The following MTUS2 variants were observed in gnomAD, a reference collection of about 807,000 sequenced individuals.
MTUS2 encodes the protein microtubule associated scaffold protein 2, also known as microtubule-associated tumor suppressor candidate 2.
Under a neutral mutation model 114.1 loss-of-function variants are expected in MTUS2, and 40 were observed. The ratio of observed to expected loss-of-function variants is 0.35; its 90% CI spans 0.27 to 0.46. The LOEUF is 0.46. Among genes scored for constraint, MTUS2 ranks in the 20% least tolerant of loss-of-function variants. The pLI, the probability that MTUS2 is intolerant of heterozygous loss-of-function variation, is 1.00. For missense variants in MTUS2, 1,679 were observed against 1,705.4 expected (o/e 0.98, Z 0.27); for synonymous variants, 688 against 672.0 (o/e 1.02, Z -0.37).
intron 5 of MTUS2, among the ~76,000 whole-genome samples, chr13:29,223,764 G>A (rs1291119130): frequency 1.3e-5 from 2 of 152,210 alleles, no homozygotes; most frequent in Non-Finnish European, 2.9e-5. Flanking sequence ...AAAGGAGAGA[G>A]GATCTGTGGC....
intron 2 of MTUS2, among the ~76,000 whole-genome samples, chr13:28,997,315 C>CT (rs201445847): frequency 0.018 from 2,692 of 152,180 alleles, 81 homozygotes; most frequent in African/African-American, 0.061. Context: ...TTACTTCCAA[C>CT]TATGTGGACA....
chr13:29,502,470 A>G (rs888398153), intron 15 of MTUS2, among the ~76,000 whole-genome samples: 2 of 152,232 alleles, frequency 1.3e-5, no homozygotes, highest in African/African-American at 4.8e-5. Flanking sequence ...TAGCAGGCAG[A>G]CACAGACCCC....
intron 5 of MTUS2, among the ~76,000 whole-genome samples, chr13:29,204,352 A>C (rs970111353): frequency 6.6e-6 from 1 of 152,214 alleles, no homozygotes; most frequent in Non-Finnish European, 1.5e-5. Flanking sequence ...CATGGTCACC[A>C]GGCTGCGGAT....
intron 5 of MTUS2, among the ~76,000 whole-genome samples, chr13:29,161,772 A>G (rs1458162642): frequency 1.3e-5 from 2 of 152,188 alleles, no homozygotes; most frequent in Non-Finnish European, 2.9e-5. Flanking sequence ...TCCCTGACCT[A>G]GCAGCATCCT....
rs1165010352 is a variant in MTUS2, at chr13:29,281,703, G to C, written c.2645-1G>C. ...ATTAACACGCTGTCTGCCTCCCACA[G>C]GTTCAACCTTTGGGAATGAAGAACA... On this transcript the variant is annotated splice_acceptor_variant, in intron 5 of 15. Transcript: ENST00000612955. LOFTEE classifies it high-confidence loss of function. The C allele has an allele frequency of 6.2e-7, 1 of 1,603,932 alleles. No individual in the cohort carries two copies. Among genetic ancestry groups the C allele is most frequent in the Non-Finnish European group, 8.5e-7 (1 of 1,173,174 alleles).
At chr13:29,487,325 A>G (rs1345319185) in intron 10 of MTUS2, among the ~76,000 whole-genome samples, 1 of 152,214 alleles carries the variant, frequency 6.6e-6, no homozygotes, top group Non-Finnish European at 1.5e-5. Flanking sequence ...CCTGGGTCTC[A>G]CTGTTAGCTC....
chr13:29,433,384 C>T (rs1877155998), intron 8 of MTUS2, among the ~76,000 whole-genome samples: 1 of 152,178 alleles, frequency 6.6e-6, no homozygotes, highest in South Asian at 2.1e-4. Context: ...TCTGACAAGC[C>T]TATATGAAAT....
intron 11 of MTUS2, among the ~76,000 whole-genome samples, chr13:29,490,479 C>T (rs1192907650): frequency 6.6e-6 from 1 of 152,260 alleles, no homozygotes; most frequent in Non-Finnish European, 1.5e-5. Context: ...GCTAATAAGA[C>T]TCTTCCCATC....
Position 29,478,609 on chromosome 13 carries a change from C to T in MTUS2, c.3185-1541C>T, listed in dbSNP as rs1056828861. Among the ~76,000 whole-genome samples, 3 of 150,338 alleles carry T rather than the reference C, an allele frequency of 2.0e-5. No individual in the cohort carries two copies. In the South Asian group the frequency reaches 6.2e-4, roughly 31 times the overall value. ...TGTTTAGAATTATTGGTGCACGGCG[C>T]TAATCAAAAGCCAGGGTCTTTTAAA... On this transcript the variant is annotated intron_variant, in intron 9 of 15. Transcript: ENST00000612955.
chr13:29,024,692 G>A lies in MTUS2; in HGVS notation c.-7G>A. ...GCATGGCAAGCAGCCCCACCAAAGGGTTGACAATGAGCGTCCCAGTGGCTC... is the reference window on the plus strand; with the variant it reads ...GCATGGCAAGCAGCCCCACCAAAGGATTGACAATGAGCGTCCCAGTGGCTC... On this transcript the variant is annotated 5_prime_UTR_variant, in exon 3 of 16. Coordinates refer to ENST00000612955, the MANE Select transcript of MTUS2 (RefSeq NM_001033602.4). The A allele has an allele frequency of 6.2e-7, 1 of 1,613,086 alleles. No individual in the cohort carries two copies. Among genetic ancestry groups the A allele is most frequent in the Non-Finnish European group, 8.5e-7 (1 of 1,179,478 alleles).
intron 5 of MTUS2, among the ~76,000 whole-genome samples, chr13:29,248,373 C>G (rs1365168548): frequency 1.3e-5 from 2 of 151,726 alleles, no homozygotes; most frequent in Non-Finnish European, 2.9e-5. Context: ...CACCTGTTCC[C>G]CAAAAACTTA....
At chr13:29,281,415 A>C (rs1033716391) in intron 5 of MTUS2, among the ~76,000 whole-genome samples, 31 of 135,314 alleles carry the variant, frequency 2.3e-4, no homozygotes, top group South Asian at 8.4e-4. Context: ...GTATGTATGT[A>C]TGTCTGTGTG....
chr13:28,832,560 C>A (rs1874763525), intron 1 of MTUS2, among the ~76,000 whole-genome samples: 1 of 149,964 alleles, frequency 6.7e-6, no homozygotes, highest in South Asian at 2.1e-4. Context: ...AGATCTCAGA[C>A]CAACAACCTA....
chr13:29,016,901 T>C (rs528347506), intron 2 of MTUS2, among the ~76,000 whole-genome samples: 2 of 152,326 alleles, frequency 1.3e-5, no homozygotes, highest in African/African-American at 2.4e-5. Context: ...TTTAACCATA[T>C]TGTAAGGACA....
At chr13:29,319,323 C>A (rs1364031166) in intron 6 of MTUS2, among the ~76,000 whole-genome samples, 2 of 152,134 alleles carry the variant, frequency 1.3e-5, no homozygotes, top group South Asian at 2.1e-4. Context: ...GCACGACTGT[C>A]CCCCAGGGGG....
chr13:28,922,650 C>T (rs1881108442), intron 2 of MTUS2, among the ~76,000 whole-genome samples: 1 of 152,152 alleles, frequency 6.6e-6, no homozygotes, highest in Non-Finnish European at 1.5e-5. Context: ...ATTGCGCTCT[C>T]CCTCTCCCAG....
chr13:29,113,465 C>T (rs891253437), intron 5 of MTUS2, among the ~76,000 whole-genome samples: 2 of 152,186 alleles, frequency 1.3e-5, no homozygotes, highest in African/African-American at 4.8e-5. Flanking sequence ...ATCAGCTGTG[C>T]CCAATCGAAA....
Position 29,026,708 on chromosome 13 carries a change from C to T in MTUS2, c.2010C>T (p.Ala670=), listed in dbSNP as rs201782065. ...TGGTTCCAGTGGGGCTTCCATATGC[C>T]CCGCCCACATGTACCATGCCTCTTC... ...ASLVPVGLPY[A]PPTCTMPLPH... Residue 670 remains alanine (A), a synonymous_variant, in exon 3 of 16, where the codon GCC becomes GCT. Coordinates refer to ENST00000612955, the MANE Select transcript of MTUS2 (RefSeq NM_001033602.4). 1.9e-6 allele frequency: 3 copies of T among 1,613,956 alleles called. No homozygotes were observed. Among genetic ancestry groups the T allele is most frequent in the South Asian group, 1.1e-5 (1 of 91,078 alleles).
At chr13:28,829,327 A>G (rs1194452372) in intron 1 of MTUS2, among the ~76,000 whole-genome samples, 1 of 152,048 alleles carries the variant, frequency 6.6e-6, no homozygotes, top group Non-Finnish European at 1.5e-5. Flanking sequence ...GGAGTTTGAG[A>G]CCAGCCTGGC....
Sources: allele counts gnomAD v4.1 joint callset (sites outside exome capture counted in the v4.1 genomes callset), GRCh38; gene constraint gnomAD v4.1.1; transcripts MANE v1.5; gene names NCBI Gene and HGNC (gene_info 2026-07-23, HGNC 2026-07-21).